The following PTPRD variants were observed in gnomAD, a reference collection of about 807,000 sequenced individuals.
The protein encoded by PTPRD is receptor-type tyrosine-protein phosphatase delta.
Under a neutral mutation model 214.5 loss-of-function variants are expected in PTPRD, and 34 were observed. That is an observed-to-expected ratio of 0.16 (90% CI 0.12 to 0.21). PTPRD has a LOEUF of 0.21. Ranked by LOEUF, PTPRD falls within the 10% of genes least tolerant of loss-of-function variation. PTPRD has a pLI of 1.00. For synonymous variants in PTPRD, 1,128 were observed against 845.7 expected (o/e 1.33, Z -5.79); for missense variants, 2,545 against 2,398.7 (o/e 1.06, Z -1.27).
At chr9:9,812,367 G>A (rs1345255701) in intron 5 of PTPRD, among the ~76,000 whole-genome samples, 1 of 151,116 alleles carries the variant, frequency 6.6e-6, no homozygotes, top group Non-Finnish European at 1.5e-5. Flanking sequence ...ATCCAATCAA[G>A]AAATACAAAG....
intron 14 of PTPRD, among the ~76,000 whole-genome samples, chr9:8,573,502 G>A (rs1029285873): frequency 2.6e-5 from 4 of 151,862 alleles, no homozygotes; most frequent in African/African-American, 4.8e-5. Context: ...TTCACTCTGG[G>A]TCAATGGCAA....
chr9:9,532,067 G>A (rs2075599652), intron 8 of PTPRD, among the ~76,000 whole-genome samples: 1 of 151,860 alleles, frequency 6.6e-6, no homozygotes, highest in African/African-American at 2.4e-5. Context: ...AAAAATATGA[G>A]CATAAATAAG....
At chr9:10,335,104 T>C (rs776779123) in intron 3 of PTPRD, among the ~76,000 whole-genome samples, 11 of 151,590 alleles carry the variant, frequency 7.3e-5, no homozygotes, top group Non-Finnish European at 1.5e-4. Context: ...AGCTAACATG[T>C]AGAAGCAAAA....
intron 2 of PTPRD, among the ~76,000 whole-genome samples, chr9:10,498,368 G>T (rs1054385666): frequency 6.6e-6 from 1 of 152,012 alleles, no homozygotes; most frequent in Admixed American, 6.6e-5. Context: ...ATGAAACACA[G>T]TATTTTTGTT....
chr9:10,407,555 G>C (rs976147567), intron 2 of PTPRD, among the ~76,000 whole-genome samples: 1 of 151,518 alleles, frequency 6.6e-6, no homozygotes, highest in African/African-American at 2.4e-5. Flanking sequence ...TCCTTAGGTA[G>C]AAGAAAGGTT....
At chr9:9,087,791 T>G (rs1373930291) in intron 10 of PTPRD, among the ~76,000 whole-genome samples, 1 of 151,676 alleles carries the variant, frequency 6.6e-6, no homozygotes, top group African/African-American at 2.4e-5. Context: ...TCCTTTCATT[T>G]TCACAATATG....
intron 5 of PTPRD, among the ~76,000 whole-genome samples, chr9:9,797,865 A>C (rs939810472): frequency 7.9e-5 from 12 of 152,158 alleles, no homozygotes; most frequent in Non-Finnish European, 1.3e-4. Context: ...ATAAAAAATA[A>C]AAAAAATCAT....
intron 3 of PTPRD, among the ~76,000 whole-genome samples, chr9:10,175,816 A>C (rs1036161360): frequency 5.9e-5 from 9 of 152,000 alleles, no homozygotes; most frequent in Admixed American, 6.6e-5. Context: ...TATACTCAAC[A>C]CAGTAACACA....
chr9:8,584,763 G>C (rs2093494001), intron 14 of PTPRD, among the ~76,000 whole-genome samples: 1 of 152,196 alleles, frequency 6.6e-6, no homozygotes, highest in African/African-American at 2.4e-5. Context: ...ACATACCTGA[G>C]AATGGGTAAT....
chr9:9,361,771 C>T (rs1040233427), intron 9 of PTPRD, among the ~76,000 whole-genome samples: 1 of 151,104 alleles, frequency 6.6e-6, no homozygotes, highest in African/African-American at 2.4e-5. Context: ...CTCATGTCCA[C>T]ATGGAAGATT....
At chr9:8,841,171 G>T (rs945825252) in intron 11 of PTPRD, among the ~76,000 whole-genome samples, 4 of 152,108 alleles carry the variant, frequency 2.6e-5, no homozygotes, top group Non-Finnish European at 4.4e-5. Flanking sequence ...GTAATTACAA[G>T]AAGGAACTTG....
intron 2 of PTPRD, among the ~76,000 whole-genome samples, chr9:10,513,235 T>C (rs1260064563): frequency 2.0e-5 from 3 of 151,910 alleles, no homozygotes; most frequent in Admixed American, 6.6e-5. Flanking sequence ...AAAATGTTGT[T>C]TGGAAGTTAT....
At chr9:8,454,814 G>A (rs1223792689) in intron 33 of PTPRD, among the ~76,000 whole-genome samples, 1 of 11,104 alleles carries the variant, frequency 9.0e-5, no homozygotes, top group Non-Finnish European at 1.3e-4. Context: ...AATACATAGT[G>A]TGTGTGTGTG....
intron 11 of PTPRD, among the ~76,000 whole-genome samples, chr9:8,847,780 C>T (rs1237219193): frequency 6.6e-6 from 1 of 152,078 alleles, no homozygotes; most frequent in Non-Finnish European, 1.5e-5. Flanking sequence ...AAATCATCCA[C>T]CCTTATTGAT....
intron 8 of PTPRD, among the ~76,000 whole-genome samples, chr9:9,517,147 T>G (rs2096857878): frequency 6.6e-6 from 1 of 152,104 alleles, no homozygotes; most frequent in South Asian, 2.1e-4. Context: ...ATTTAAACAT[T>G]CATTTATTTA....
chr9:9,083,439 C>A (rs564637134), intron 10 of PTPRD, among the ~76,000 whole-genome samples: 1 of 152,140 alleles, frequency 6.6e-6, no homozygotes, highest in African/African-American at 2.4e-5. Context: ...AGACCCCATA[C>A]TATAAATCTC....
intron 3 of PTPRD, among the ~76,000 whole-genome samples, chr9:10,052,410 T>C (rs1028045170): frequency 2.6e-5 from 4 of 152,118 alleles, no homozygotes; most frequent in African/African-American, 9.7e-5. Context: ...ATTGTGTCAT[T>C]CCCCACCTTC....
chr9:8,917,516 A>G (rs1011428426), intron 11 of PTPRD, among the ~76,000 whole-genome samples: 3 of 152,178 alleles, frequency 2.0e-5, no homozygotes, highest in African/African-American at 7.2e-5. Flanking sequence ...ACTTGTAACA[A>G]TCAGAAACAG....
chr9:8,320,176 G>A lies in PTPRD; in HGVS notation c.5535-210C>T, dbSNP rs188120917. ...GATAATGAGGATGAAGTAATTAGGA[G>A]TAAGTCTAATAAAAGGTCTTTTCAA... On this transcript the variant is annotated intron_variant, in intron 44 of 45. Transcript: ENST00000381196. Among the ~76,000 whole-genome samples the A allele has an allele frequency of 2.0e-4, 31 of 152,184 alleles. No homozygotes were observed. The East Asian group carries it at 6.0e-3, about 29-fold the overall frequency.
Sources: allele counts gnomAD v4.1 joint callset (sites outside exome capture counted in the v4.1 genomes callset), GRCh38; gene constraint gnomAD v4.1.1; transcripts MANE v1.5; gene names NCBI Gene and HGNC (gene_info 2026-07-23, HGNC 2026-07-21).